Variants in DYDC2 observed in about 807,000 individuals in gnomAD.
DYDC2 encodes the protein DPY30 domain-containing protein 2.
A neutral mutation model predicts 18.7 loss-of-function variants in DYDC2; 19 were observed. That is an observed-to-expected ratio of 1.02 (90% CI 0.71 to 1.49). The LOEUF is 1.49. Among genes scored for constraint, DYDC2 ranks in the 40% most tolerant of loss-of-function variants. The pLI is 0.00. For synonymous variants in DYDC2, 63 were observed against 67.6 expected, an observed-to-expected ratio of 0.93 and a Z score of 0.34; for missense variants, 179 against 205.1, an observed-to-expected ratio of 0.87 and a Z score of 0.78.
upstream of DYDC2, chr10:80,351,947 T>C: frequency 6.2e-7 from 1 of 1,614,218 alleles, no homozygotes; most frequent in South Asian, 1.1e-5. Flanking sequence ...CATCATTTCC[T>C]GCTCCATCAG....
At chr10:80,345,284 T>C (rs900815736) in intron 1 of DYDC2, among the ~76,000 whole-genome samples, 1 of 152,224 alleles carries the variant, frequency 6.6e-6, no homozygotes, top group East Asian at 1.9e-4. Flanking sequence ...AGTTATATTA[T>C]GAATTTTTGA....
upstream of DYDC2, chr10:80,356,610 G>A (rs1843385059): frequency 1.0e-6 from 1 of 985,498 alleles, no homozygotes; most frequent in Non-Finnish European, 1.2e-6. Flanking sequence ...AGTCCTGCTC[G>A]ACGCCCAAGG....
At chr10:80,346,444 C>CCTTTTTTTTTTT (rs1842630105) in intron 1 of DYDC2, among the ~76,000 whole-genome samples, 1 of 83,360 alleles carries the variant, frequency 1.2e-5, no homozygotes, top group African/African-American at 5.0e-5. Context: ...TCTTCCCTTT[C>CCTTTTTTTTTTT]TTTTTTTTTT....
At chr10:80,355,618 A>T (rs1215666596), upstream of DYDC2, among the ~76,000 whole-genome samples, 1 of 152,180 alleles carries the variant, frequency 6.6e-6, no homozygotes, top group East Asian at 1.9e-4. Flanking sequence ...GAGCAACACA[A>T]TGGATTATTA....
In DYDC2 at chr10:80,347,276, C is replaced by CT. The variant is rs556362145; in HGVS notation, c.-310+2490dup. Reference sequence around the variant, plus strand: ...CTTTGCCCATTTTTTAATTGGGATCCTTTTTTTTTTTTTTTTTTTTTTTTT... The same window carrying CT: ...CTTTGCCCATTTTTTAATTGGGATCCTTTTTTTTTTTTTTTTTTTTTTTTTT... On this transcript the variant is annotated intron_variant, in intron 1 of 4. Transcript: ENST00000372197. 1.6e-3 allele frequency among the ~76,000 whole-genome samples: 141 copies of CT among 90,094 alleles called. 4 individuals carry two copies. Among genetic ancestry groups the CT allele is most frequent in the African/African-American group, 2.0e-3 (46 of 22,868 alleles). The allele number at this position is 90,094 out of a possible 152,430, so 59.1% of individuals were successfully genotyped here.
intron 1 of DYDC2, among the ~76,000 whole-genome samples, chr10:80,357,350 G>A (rs571459026): frequency 1.3e-5 from 2 of 152,110 alleles, no homozygotes; most frequent in Non-Finnish European, 2.9e-5. Flanking sequence ...GGAGGCGCGC[G>A]GGGTGGGTGA....
At chr10:80,359,709 A>G (rs1843604190) in intron 2 of DYDC2, among the ~76,000 whole-genome samples, 1 of 152,138 alleles carries the variant, frequency 6.6e-6, no homozygotes, top group Admixed American at 6.5e-5. Flanking sequence ...GGGACCCAGC[A>G]CACCCTCTGC....
intron 1 of DYDC2, 103 bp downstream of exon 1, chr10:80,356,928 GAGT>G: frequency 1.1e-6 from 1 of 880,392 alleles, no homozygotes; most frequent in Non-Finnish European, 1.4e-6. Context: ...GGGCGCGGCA[GAGT>G]AGAGGGGGCG....
chr10:80,366,583 G>T (rs751762991), intron 4 of DYDC2, 105 bp from the exon 5 acceptor site: 298 of 1,372,518 alleles, frequency 2.2e-4, no homozygotes, highest in Non-Finnish European at 2.9e-4. Context: ...TTTCAGTTTG[G>T]TTCTTAGTCT....
chr10:80,362,674 C>T, intron 3 of DYDC2, 84 bp downstream of exon 3: 2 of 1,512,878 alleles, frequency 1.3e-6, no homozygotes, highest in Non-Finnish European at 1.8e-6. Context: ...GATTCTGGAG[C>T]TGGCCTGGGG....
chr10:80,367,033 G>T lies in DYDC2; in HGVS notation c.*82G>T. The T allele has an allele frequency of 6.6e-7, 1 of 1,518,488 alleles. No individual in the cohort carries two copies. The highest frequency in any genetic ancestry group is 8.8e-7 in the Non-Finnish European group (1 of 1,138,438). 94.1% of individuals were successfully genotyped at this position (1,518,488 alleles called of 1,614,324 possible). On this transcript the variant is annotated 3_prime_UTR_variant, in exon 5 of 5. Transcript: ENST00000256039. ...TGGCCAGCTAGAACCAAGATTTAAG[G>T]GGCTGTAAAAGGCAAGTTCAGGGAC...
intron 2 of DYDC2, among the ~76,000 whole-genome samples, chr10:80,359,438 A>C (rs1306852499): frequency 1.3e-5 from 2 of 152,208 alleles, no homozygotes; most frequent in Non-Finnish European, 2.9e-5. Flanking sequence ...GGCTTCACCT[A>C]GTGGATCCCG....
At chr10:80,359,894 G>C (rs1332313429) in intron 2 of DYDC2, among the ~76,000 whole-genome samples, 1 of 152,148 alleles carries the variant, frequency 6.6e-6, no homozygotes, top group Non-Finnish European at 1.5e-5. Flanking sequence ...CCTGCAAGCA[G>C]AGCCGGCTCC....
intron 1 of DYDC2, among the ~76,000 whole-genome samples, chr10:80,350,848 C>T (rs559157869): frequency 2.6e-4 from 40 of 152,272 alleles, no homozygotes; most frequent in African/African-American, 9.6e-4. Flanking sequence ...CTCTCTCCAG[C>T]TTGTACTCCA....
upstream of DYDC2, among the ~76,000 whole-genome samples, chr10:80,354,767 C>A (rs1161217275): frequency 6.6e-6 from 1 of 152,148 alleles, no homozygotes; most frequent in Non-Finnish European, 1.5e-5. Flanking sequence ...CACCTGCACA[C>A]CAGCCAGAGG....
At chr10:80,363,413 C>T (rs1843728614) in intron 4 of DYDC2, among the ~76,000 whole-genome samples, 1 of 139,162 alleles carries the variant, frequency 7.2e-6, no homozygotes, top group Non-Finnish European at 1.5e-5. Context: ...GGAGCGATCT[C>T]GTCTCACTAC....
At chr10:80,359,355 G>A (rs1208340354) in intron 2 of DYDC2, among the ~76,000 whole-genome samples, 1 of 152,232 alleles carries the variant, frequency 6.6e-6, no homozygotes, top group East Asian at 1.9e-4. Flanking sequence ...ACAGAATGCT[G>A]ATTGGTGTAT....
chr10:80,354,127 A>AT (rs1037919393), upstream of DYDC2, among the ~76,000 whole-genome samples: 7 of 146,062 alleles, frequency 4.8e-5, no homozygotes, highest in East Asian at 2.1e-4. Context: ...TATATAAAAA[A>AT]AAATATATAT....
upstream of DYDC2, among the ~76,000 whole-genome samples, chr10:80,353,744 AC>A: frequency 6.6e-6 from 1 of 151,884 alleles, no homozygotes; most frequent in East Asian, 2.0e-4. Context: ...TCATCTTCCC[AC>A]TGGGATGATG....
Sources: gnomAD v4.1 joint callset for allele counts (sites outside exome capture counted in the v4.1 genomes callset) on GRCh38, gnomAD v4.1.1 for gene constraint, MANE v1.5 for transcripts, NCBI Gene and HGNC (gene_info 2026-07-23, HGNC 2026-07-21) for gene names.